Variants in BBS10 observed in about 807,000 individuals in gnomAD.
The protein encoded by BBS10 is BBSome complex assembly protein BBS10.
In BBS10, 13 loss-of-function variants were observed where a neutral mutation model predicts 12.7. The observed-to-expected ratio is 1.03, with a 90% CI of 0.67 to 1.63. The LOEUF (loss-of-function observed/expected upper bound fraction) is 1.63. BBS10 is among the 40% of genes most tolerant of loss of function. The pLI, the probability that BBS10 is intolerant of heterozygous loss-of-function variation, is 0.00. For synonymous variants in BBS10, 294 were observed against 304.8 expected (o/e 0.96, Z 0.37); for missense variants, 858 against 858.0 (o/e 1.00, Z 0.00).
rs1022047856 is a variant in BBS10 at position 76,344,963 on chromosome 12, A to C, written c.*850T>G. The C allele has an allele frequency of 6.6e-6, 1 of 152,214 alleles. No homozygotes were observed. The highest frequency in any genetic ancestry group is 2.4e-5 in the African/African-American group (1 of 41,470). 9.4% of individuals were successfully genotyped at this position (152,214 alleles called of 1,614,324 possible). A position where few individuals can be genotyped will look rare whatever the true frequency, so the allele number is the denominator to read the frequency against. On this transcript the variant is annotated 3_prime_UTR_variant, in exon 2 of 2. Transcript: ENST00000650064. ...TAAAAATAAAACAGAAATAAACATT[A>C]GAAATAAAAATTGTCAAATTATTTG...
Position 76,348,351 on chromosome 12 carries a change from C to T in BBS10, c.8G>A (p.Ser3Asn). ...CACAGACCCTGCAGCGGCCATAGAA[C>T]TTAACATATCTGGGCCGCTTCCCCT... ML[S>N]SMAAAGSVKA... The change falls in exon 1 of 2, where the codon AGT (serine) becomes AAT (asparagine). Residue 3 changes from serine (S) to asparagine (N), a missense_variant. By Grantham distance (46) the Ser-to-Asn change is conservative. Transcript: ENST00000650064. The T allele has an allele frequency of 6.3e-7, 1 of 1,586,240 alleles. No individual in the cohort carries two copies. The highest frequency in any genetic ancestry group is 8.6e-7 in the Non-Finnish European group (1 of 1,165,818).
In BBS10 at chr12:76,348,126, T is replaced by A. The variant is rs377176452; in HGVS notation, c.197+36A>T. The A allele has an allele frequency of 1.9e-6, 3 of 1,579,322 alleles. No homozygotes were observed. In the African/African-American group the frequency reaches 4.0e-5, roughly 21 times the overall value. On this transcript the variant is annotated intron_variant, in intron 1 of 1. Transcript: ENST00000650064. ...AGAGCTCCACAGAGGCTGCCTGGGG[T>A]GCCCGGCTACGGGTTAGCGTGTGGG...
At position 76,346,647 on chromosome 12, in the gene BBS10, A is replaced by G. The variant is rs941842098; in HGVS notation, c.1338T>C (p.Phe446=). 1.9e-6 allele frequency: 3 copies of G among 1,613,904 alleles called. No individual in the cohort carries two copies. Among genetic ancestry groups the G allele is most frequent in the Non-Finnish European group, 1.7e-6 (2 of 1,179,946 alleles). ...AACTTTCTCCACTGTTCTTATAAAT[A>G]AAAAGACTTGAAGTGCCATTTTGGT... ...TNDQNGTSSL[F]IYKNSGESYQ... is the part of the protein sequence containing the mutation. Residue 446 remains phenylalanine (F), a synonymous_variant, in exon 2 of 2, where the codon TTT becomes TTC. Coordinates refer to ENST00000650064, the MANE Select transcript of BBS10 (RefSeq NM_024685.4).
rs758522600 is a variant in BBS10, at chr12:76,347,022, ATAAC to A, written c.959_962del (p.Ser320IlefsTer5). The A allele has an allele frequency of 3.7e-6, 6 of 1,612,734 alleles. No individual in the cohort carries two copies. In the African/African-American group the frequency reaches 5.3e-5, roughly 14 times the overall value. On this transcript the variant is annotated frameshift_variant, in exon 2 of 2. Coordinates refer to ENST00000650064, the MANE Select transcript of BBS10 (RefSeq NM_024685.4). LOFTEE classifies it low-confidence loss of function (END_TRUNC). ...CTGATATGCCATTCACCCCTGCATA[ATAAC>A]TAACTAAATCTGGTTGTTTCACACT...
At position 76,347,560 on chromosome 12, in the gene BBS10, T is replaced by C; in HGVS notation, c.425A>G (p.Asp142Gly). ...ALLTFQTQILDGIMDQYLSRH... is the reference protein window; with the variant it reads ...ALLTFQTQILGGIMDQYLSRH... Reference sequence around the variant, plus strand: ...ACTTAGGTACTGGTCCATAATACCGTCTAATATTTGTGTCTGAAACGTTAG... The same window carrying C: ...ACTTAGGTACTGGTCCATAATACCGCCTAATATTTGTGTCTGAAACGTTAG... Residue 142 changes from aspartate (D) to glycine (G), a missense_variant, in exon 2 of 2, where the codon GAC becomes GGC. By Grantham distance (94) the Asp-to-Gly change is moderately conservative. Transcript: ENST00000650064. 3 of 1,613,390 alleles carry C rather than the reference T, an allele frequency of 1.9e-6. No individual in the cohort carries two copies. The highest frequency in any genetic ancestry group is 2.5e-6 in the Non-Finnish European group (3 of 1,179,858).
Position 76,347,019 on chromosome 12 carries a change from A to G in BBS10, c.966T>C (p.Tyr322=), listed in dbSNP as rs139053702. The G allele has an allele frequency of 1.0e-3, 1,625 of 1,612,722 alleles. 19 individuals are homozygous for G. In the African/African-American group the frequency reaches 0.019, roughly 19 times the overall value. ...CCACTGATATGCCATTCACCCCTGC[A>G]TAATAACTAACTAAATCTGGTTGTT... ...SVKQPDLVSY[Y]AGVNGISVVE... The change falls in exon 2 of 2, where the codon TAT becomes TAC. Residue 322 remains tyrosine, a synonymous_variant. Transcript: ENST00000650064.
In BBS10 at chr12:76,345,962, G is replaced by T; in HGVS notation, c.2023C>A (p.Gln675Lys). ...LQTNQPLVSSQTGLESVMGKY... is the reference protein window; with the variant it reads ...LQTNQPLVSSKTGLESVMGKY... ...CCCATTACTGATTCCAAACCTGTCT[G>T]ACTGCTTACCAAGGGTTGATTGGTT... is the stretch of plus-strand genomic sequence containing the variant. Residue 675 changes from glutamine (Q) to lysine (K), a missense_variant, in exon 2 of 2, where the codon CAG becomes AAG. By Grantham distance (53) the Gln-to-Lys change is moderately conservative (BLOSUM62 1). Transcript: ENST00000650064. The T allele has an allele frequency of 6.2e-7, 1 of 1,614,014 alleles. No individual in the cohort carries two copies. The highest frequency in any genetic ancestry group is 1.1e-5 in the South Asian group (1 of 91,074).
In BBS10 at chr12:76,348,154, G is replaced by A; in HGVS notation, c.197+8C>T. The A allele has an allele frequency of 6.2e-7, 1 of 1,603,070 alleles. No individual in the cohort carries two copies. Among genetic ancestry groups the A allele is most frequent in the Non-Finnish European group, 8.5e-7 (1 of 1,172,258 alleles). On this transcript the variant is annotated splice_region_variant and intron_variant, in intron 1 of 1. Coordinates refer to ENST00000650064, the MANE Select transcript of BBS10 (RefSeq NM_024685.4). Reference sequence around the variant, plus strand: ...CCGGCTACGGGTTAGCGTGTGGGACGCGGGTACCTGGCTATGGGATGCTCT... The same window carrying A: ...CCGGCTACGGGTTAGCGTGTGGGACACGGGTACCTGGCTATGGGATGCTCT...
At chr12:76,348,102 G>A in intron 1 of BBS10, 60 bp downstream of exon 1, 1 of 1,540,890 alleles carries the variant, frequency 6.5e-7, no homozygotes, top group Non-Finnish European at 8.8e-7. Flanking sequence ...GATGGGACAA[G>A]AGCTCCACAG....
At position 76,347,949 on chromosome 12, in the gene BBS10, C is replaced by T. The variant is rs74102398; in HGVS notation, c.198-162G>A. 0.043 allele frequency among the ~76,000 whole-genome samples: 6,566 copies of T among 152,264 alleles called. 503 individuals carry two copies. Among genetic ancestry groups the T allele is most frequent in the African/African-American group, 0.15 (6,175 of 41,520 alleles). Reference sequence around the variant, plus strand: ...AAAAACTCTGCTCTATTCCAAGATTCCACCGTTGGGTGGAGTGGGGAGAAG... The same window carrying T: ...AAAAACTCTGCTCTATTCCAAGATTTCACCGTTGGGTGGAGTGGGGAGAAG... On this transcript the variant is annotated intron_variant, in intron 1 of 1. Coordinates refer to ENST00000650064, the MANE Select transcript of BBS10 (RefSeq NM_024685.4).
rs1011726926 is a variant in BBS10 at position 76,344,600 on chromosome 12, A to G, written c.*1213T>C. On this transcript the variant is annotated 3_prime_UTR_variant, in exon 2 of 2. Transcript: ENST00000650064. ...GTTTAAAAAATCAGAATTACATTTA[A>G]TATAAAAAATTTTGATATTATAGTT... The G allele has an allele frequency of 3.9e-5, 6 of 152,332 alleles. No homozygotes were observed. The East Asian group carries it at 1.2e-3, about 29-fold the overall frequency. The allele number at this position is 152,332 out of a possible 1,614,324, so 9.4% of individuals were successfully genotyped here.
chr12:76,347,482 C>G lies in BBS10; in HGVS notation c.503G>C (p.Ser168Thr). ...TGCTTCTAAGAGCAACTCTAAAGAG[C>G]TCCTACACAATGTTCTCTCTTTAGC... ...SSAKERTLCR[S>T]SLELLLEAYF... Residue 168 changes from serine (S) to threonine (T), a missense_variant, in exon 2 of 2, where the codon AGC becomes ACC. Transcript: ENST00000650064. 1.9e-6 allele frequency: 3 copies of G among 1,613,688 alleles called. No individual in the cohort carries two copies. The South Asian group carries it at 3.3e-5, about 18-fold the overall frequency.
Position 76,347,731 on chromosome 12 carries a change from G to A in BBS10, c.254C>T (p.Thr85Ile). 2 of 1,607,808 alleles carry A rather than the reference G, an allele frequency of 1.2e-6. No individual in the cohort carries two copies. Among genetic ancestry groups the A allele is most frequent in the Non-Finnish European group, 1.7e-6 (2 of 1,179,796 alleles). The change falls in exon 2 of 2, where the codon ACA (threonine) becomes ATA (isoleucine). Residue 85 changes from threonine to isoleucine, a missense_variant. By Grantham distance (89) the Thr-to-Ile change is moderately conservative. Transcript: ENST00000650064. ...CAAATGGCAAAGAAAGATAATAAAT[G>A]TTTTTGCACCATCTCCTGTTTTTTT... ...HLKKTGDGAK[T>I]FIIFLCHLLR...
At position 76,345,923 on chromosome 12, in the gene BBS10, G is replaced by T. The variant is rs767464284; in HGVS notation, c.2062C>A (p.Leu688Ile). The change falls in exon 2 of 2, where the codon CTA becomes ATA. Residue 688 changes from leucine to isoleucine, a missense_variant. Physicochemically the swap from Leu to Ile is conservative, Grantham distance 5. Coordinates refer to ENST00000650064, the MANE Select transcript of BBS10 (RefSeq NM_024685.4). ...LESVMGKYQLLTSVLQCLTKI... is the reference protein window; with the variant it reads ...LESVMGKYQLITSVLQCLTKI... Reference sequence around the variant, plus strand: ...GTCAAACACTGAAGAACTGAAGTTAGTAGCTGGTATTTACCCATTACTGAT... The same window carrying T: ...GTCAAACACTGAAGAACTGAAGTTATTAGCTGGTATTTACCCATTACTGAT... The T allele has an allele frequency of 1.9e-6, 3 of 1,614,032 alleles. No individual in the cohort carries two copies. In the South Asian group the frequency reaches 3.3e-5, roughly 18 times the overall value.
At position 76,347,318 on chromosome 12, in the gene BBS10, C is replaced by T. The variant is rs746764883; in HGVS notation, c.667G>A (p.Val223Ile). ...LVDDHFVELN[V>I]GVTGLPVSDS... ...GAAACAGGAAGGCCAGTGACACCAA[C>T]ATTCAACTCTACAAAATGGTCATCC... is the stretch of plus-strand genomic sequence containing the variant. The change falls in exon 2 of 2, where the codon GTT (valine) becomes ATT (isoleucine). Residue 223 changes from valine to isoleucine, a missense_variant. Transcript: ENST00000650064. The T allele has an allele frequency of 6.2e-7, 1 of 1,614,082 alleles. No homozygotes were observed. The highest frequency in any genetic ancestry group is 8.5e-7 in the Non-Finnish European group (1 of 1,180,026).
chr12:76,347,684 T>G lies in BBS10; in HGVS notation c.301A>C (p.Thr101Pro), dbSNP rs1436717561. 4 of 1,613,170 alleles carry G rather than the reference T, an allele frequency of 2.5e-6. No homozygotes were observed. Among genetic ancestry groups the G allele is most frequent in the Non-Finnish European group, 3.4e-6 (4 of 1,179,970 alleles). The change falls in exon 2 of 2, where the codon ACA (threonine) becomes CCA (proline). Residue 101 changes from threonine to proline, a missense_variant. Thr to Pro is a conservative substitution (Grantham distance 38). Transcript: ENST00000650064. The stretch of plus-strand genomic sequence containing the variant: ...ATCAAAGGATCCTTTTCTCTGTCTG[T>G]GATTGCATGAAGTCCTCTAAGCAAA... ...CHLLRGLHAI[T>P]DREKDPLMCE...
At position 76,346,382 on chromosome 12, in the gene BBS10, CAGTT is replaced by C. The variant is rs770556842; in HGVS notation, c.1599_1602del (p.Thr534IlefsTer21). On this transcript the variant is annotated frameshift_variant, in exon 2 of 2. Transcript: ENST00000650064. LOFTEE classifies it low-confidence loss of function (END_TRUNC). Reference sequence around the variant, plus strand: ...TTCTTGAGTAATGGTTCATAATAATCAGTTAGCCTGTTTCTTTCCAAAGACAAAC... The same window carrying C: ...TTCTTGAGTAATGGTTCATAATAATCAGCCTGTTTCTTTCCAAAGACAAAC... 3 of 1,613,976 alleles carry C rather than the reference CAGTT, an allele frequency of 1.9e-6. No homozygotes were observed. Among genetic ancestry groups the C allele is most frequent in the Admixed American group, 1.7e-5 (1 of 60,030 alleles).
chr12:76,345,836 G>T lies in BBS10; in HGVS notation c.2149C>A (p.Gln717Lys). ...VKRHPQKVHNQDSEDEL is the reference protein window; with the variant it reads ...VKRHPQKVHNKDSEDEL ...TGTTATAGTTCATCTTCTGAATCTTGATTGTGAACTTTCTGAGGGTGTCTC... is the reference window on the plus strand; with the variant it reads ...TGTTATAGTTCATCTTCTGAATCTTTATTGTGAACTTTCTGAGGGTGTCTC... Residue 717 changes from glutamine (Q) to lysine (K), a missense_variant, in exon 2 of 2, where the codon CAA (glutamine) becomes AAA (lysine). Coordinates refer to ENST00000650064, the MANE Select transcript of BBS10 (RefSeq NM_024685.4). 1.2e-6 allele frequency: 2 copies of T among 1,613,596 alleles called. No homozygotes were observed. The highest frequency in any genetic ancestry group is 2.2e-5 in the South Asian group (2 of 91,038).
In BBS10 at chr12:76,347,344, A is replaced by G. The variant is rs570935105; in HGVS notation, c.641T>C (p.Val214Ala). The G allele has an allele frequency of 6.8e-6, 11 of 1,614,082 alleles. No homozygotes were observed. In the East Asian group the frequency reaches 2.5e-4, roughly 36 times the overall value. Residue 214 changes from valine (V) to alanine (A), a missense_variant, in exon 2 of 2, where the codon GTG becomes GCG. By Grantham distance (64) the Val-to-Ala change is moderately conservative (BLOSUM62 0). Transcript: ENST00000650064. ...CKSGIGVFEL[V>A]DDHFVELNVG... is the part of the protein sequence containing the mutation. The stretch of plus-strand genomic sequence containing the variant: ...ATTCAACTCTACAAAATGGTCATCC[A>G]CTAACTCAAATACACCAATCCCACT...
Sources: allele counts gnomAD v4.1 joint callset (sites outside exome capture counted in the v4.1 genomes callset), GRCh38; gene constraint gnomAD v4.1.1; transcripts MANE v1.5; gene names NCBI Gene and HGNC (gene_info 2026-07-23, HGNC 2026-07-21).